Variants in ADARB2 observed in about 807,000 individuals in gnomAD.
ADARB2 encodes inactive double-stranded RNA-specific editase B2.
A neutral mutation model predicts 62.2 loss-of-function variants in ADARB2; 25 were observed. The observed-to-expected ratio is 0.40, with a 90% CI of 0.29 to 0.56. The LOEUF (loss-of-function observed/expected upper bound fraction) is 0.56. ADARB2 is among the 20% of genes least tolerant of loss of function. The pLI is 0.43. For synonymous variants in ADARB2, 572 were observed against 500.8 expected (o/e 1.14, Z -1.90); for missense variants, 1,071 against 1,077.4 (o/e 0.99, Z 0.08).
At chr10:1,718,835 G>A (rs761620065) in intron 1 of ADARB2, among the ~76,000 whole-genome samples, 5 of 152,144 alleles carry the variant, frequency 3.3e-5, no homozygotes, top group Non-Finnish European at 5.9e-5. Context: ...TGAGCCTCTC[G>A]GCAAGATGAG....
chr10:1,496,984 A>C (rs1367118020), intron 1 of ADARB2, among the ~76,000 whole-genome samples: 1 of 152,196 alleles, frequency 6.6e-6, no homozygotes, highest in Non-Finnish European at 1.5e-5. Flanking sequence ...CCCAGTGGTA[A>C]GGACCTGGAA....
intron 3 of ADARB2, among the ~76,000 whole-genome samples, chr10:1,302,476 T>A (rs1564251594): frequency 6.6e-6 from 1 of 152,202 alleles, no homozygotes; most frequent in Non-Finnish European, 1.5e-5. Flanking sequence ...TGGCCAGGCT[T>A]GCTTAGGTAA....
chr10:1,544,252 G>C (rs1420028660), intron 1 of ADARB2, among the ~76,000 whole-genome samples: 2 of 152,220 alleles, frequency 1.3e-5, no homozygotes, highest in African/African-American at 2.4e-5. Context: ...CAGGGCTGCT[G>C]AGTTTCCAGG....
intron 1 of ADARB2, among the ~76,000 whole-genome samples, chr10:1,596,476 A>T (rs1833337086): frequency 6.6e-6 from 1 of 152,194 alleles, no homozygotes; most frequent in Admixed American, 6.5e-5. Context: ...ACCGGGAGAG[A>T]AATGTCACTT....
At chr10:1,602,633 C>T (rs1833431238) in intron 1 of ADARB2, among the ~76,000 whole-genome samples, 1 of 151,992 alleles carries the variant, frequency 6.6e-6, no homozygotes, top group Admixed American at 6.6e-5. Flanking sequence ...CACACATCCA[C>T]ATACATATGC....
chr10:1,648,561 A>G (rs1216760661), intron 1 of ADARB2, among the ~76,000 whole-genome samples: 1 of 152,224 alleles, frequency 6.6e-6, no homozygotes, highest in South Asian at 2.1e-4. Context: ...TCACTTAGAA[A>G]ATAAACATGT....
At chr10:1,212,249 T>C (rs1837163698) in intron 7 of ADARB2, among the ~76,000 whole-genome samples, 3 of 152,364 alleles carry the variant, frequency 2.0e-5, no homozygotes, top group South Asian at 4.1e-4. Flanking sequence ...GATGAACACA[T>C]ACGTTATCAG....
At chr10:1,677,760 C>T (rs1251234612) in intron 1 of ADARB2, among the ~76,000 whole-genome samples, 2 of 152,168 alleles carry the variant, frequency 1.3e-5, no homozygotes, top group African/African-American at 4.8e-5. Flanking sequence ...CCTGCACCTG[C>T]CCTGGTCGCA....
intron 1 of ADARB2, among the ~76,000 whole-genome samples, chr10:1,591,248 G>A (rs1833249239): frequency 6.6e-6 from 1 of 152,200 alleles, no homozygotes; most frequent in South Asian, 2.1e-4. Flanking sequence ...CCAGAGGCAG[G>A]GCTGCTGCTG....
intron 1 of ADARB2, among the ~76,000 whole-genome samples, chr10:1,405,087 TGCGGG>T (rs1564281045): frequency 2.0e-5 from 3 of 152,154 alleles, no homozygotes; most frequent in Non-Finnish European, 4.4e-5. Flanking sequence ...TGTGGGGTCA[TGCGGG>T]GGCCCAGCTG....
chr10:1,674,738 C>T (rs935851335), intron 1 of ADARB2, among the ~76,000 whole-genome samples: 4 of 152,014 alleles, frequency 2.6e-5, no homozygotes, highest in African/African-American at 4.8e-5. Flanking sequence ...GTAAAAGTGG[C>T]GAAAATCATC....
At chr10:1,217,178 G>T (rs2131754407) in intron 6 of ADARB2, 59 bp from the exon 7 acceptor site, 6 of 1,467,388 alleles carry the variant, frequency 4.1e-6, no homozygotes, top group Non-Finnish European at 5.5e-6. Context: ...GTTTTGGGAG[G>T]TGGGAGAAGA....
chr10:1,475,493 C>T (rs1831387814), intron 1 of ADARB2, among the ~76,000 whole-genome samples: 1 of 152,160 alleles, frequency 6.6e-6, no homozygotes, highest in Non-Finnish European at 1.5e-5. Flanking sequence ...CCTGGAGTCT[C>T]CAGAGTCGTG....
chr10:1,227,053 G>A (rs1034725087), intron 6 of ADARB2, among the ~76,000 whole-genome samples: 10 of 152,268 alleles, frequency 6.6e-5, no homozygotes, highest in Non-Finnish European at 1.5e-4. Context: ...GCTCCACCCA[G>A]TTTGAGCTTC....
chr10:1,529,513 C>T (rs924255518), intron 1 of ADARB2, among the ~76,000 whole-genome samples: 2 of 152,188 alleles, frequency 1.3e-5, no homozygotes, highest in Admixed American at 6.5e-5. Context: ...CCATCCTTGG[C>T]CCTGGGCCCC....
chr10:1,274,009 G>T (rs981061289), intron 3 of ADARB2, among the ~76,000 whole-genome samples: 10 of 152,330 alleles, frequency 6.6e-5, no homozygotes, highest in African/African-American at 2.4e-4. Flanking sequence ...CTGCAGAGGG[G>T]ACAGGGCACT....
intron 3 of ADARB2, among the ~76,000 whole-genome samples, chr10:1,343,449 T>C (rs770341471): frequency 6.6e-6 from 1 of 152,202 alleles, no homozygotes; most frequent in Non-Finnish European, 1.5e-5. Context: ...TCGGCCATTG[T>C]GGAAAGCAAT....
chr10:1,410,792 C>T (rs1026210204), intron 1 of ADARB2, among the ~76,000 whole-genome samples: 8 of 152,170 alleles, frequency 5.3e-5, no homozygotes, highest in Admixed American at 3.3e-4. Flanking sequence ...ATTTTACCTG[C>T]GTAAACAAGC....
At chr10:1,303,767 C>T (rs1209243837) in intron 3 of ADARB2, among the ~76,000 whole-genome samples, 13 of 152,092 alleles carry the variant, frequency 8.5e-5, no homozygotes, top group Admixed American at 7.9e-4. Flanking sequence ...TCATATCCAG[C>T]CAAACTAAGC....
Sources: gnomAD v4.1 joint callset for allele counts (sites outside exome capture counted in the v4.1 genomes callset) on GRCh38, gnomAD v4.1.1 for gene constraint, MANE v1.5 for transcripts, NCBI Gene and HGNC (gene_info 2026-07-23, HGNC 2026-07-21) for gene names.